CHRM3: variants seen among roughly 807,000 people sequenced by gnomAD.
CHRM3 encodes cholinergic receptor muscarinic 3.
A neutral mutation model predicts 41.8 loss-of-function variants in CHRM3; 11 were observed. That is an observed-to-expected ratio of 0.26 (90% CI 0.17 to 0.44). The LOEUF (loss-of-function observed/expected upper bound fraction) is 0.44, where lower values mean the gene tolerates loss of function less well. Among genes scored for constraint, CHRM3 ranks in the 20% least tolerant of loss-of-function variants. CHRM3 has a pLI of 1.00. For synonymous variants in CHRM3, 297 were observed against 301.4 expected, an observed-to-expected ratio of 0.99 and a Z score of 0.15; for missense variants, 571 against 745.4, an observed-to-expected ratio of 0.77 and a Z score of 2.72.
intron 5 of CHRM3, among the ~76,000 whole-genome samples, chr1:239,761,910 T>G (rs1383758945): frequency 6.6e-6 from 1 of 152,140 alleles, no homozygotes; most frequent in Non-Finnish European, 1.5e-5. Context: ...AATTCCCAAT[T>G]CAGTCTCTCC....
intron 3 of CHRM3, among the ~76,000 whole-genome samples, chr1:239,594,585 A>C (rs1372311642): frequency 6.6e-6 from 1 of 152,180 alleles, no homozygotes; most frequent in Non-Finnish European, 1.5e-5. Context: ...CAAACTTTTG[A>C]GGTGTTTTGA....
chr1:239,484,165 G>A (rs532872083), intron 1 of CHRM3, among the ~76,000 whole-genome samples: 57 of 152,214 alleles, frequency 3.7e-4, no homozygotes, highest in African/African-American at 1.3e-3. Flanking sequence ...AATCGTTCAC[G>A]GTTCTGCAGG....
chr1:239,797,123 T>G (rs1669841562), intron 5 of CHRM3, among the ~76,000 whole-genome samples: 1 of 152,208 alleles, frequency 6.6e-6, no homozygotes, highest in African/African-American at 2.4e-5. Flanking sequence ...TACCGCATGT[T>G]CTCACTTATA....
At chr1:239,837,802 G>A (rs2149137163) in intron 6 of CHRM3, among the ~76,000 whole-genome samples, 1 of 152,264 alleles carries the variant, frequency 6.6e-6, no homozygotes, top group East Asian at 1.9e-4. Context: ...TAACCACTGA[G>A]TATAGTTTCT....
intron 1 of CHRM3, among the ~76,000 whole-genome samples, chr1:239,421,460 GT>G (rs974832713): frequency 1.1e-4 from 17 of 152,180 alleles, no homozygotes; most frequent in African/African-American, 3.9e-4. Flanking sequence ...GGTTTACTGT[GT>G]TTTTTGTTAA....
chr1:239,598,562 C>A (rs1665087470), intron 3 of CHRM3, among the ~76,000 whole-genome samples: 1 of 151,850 alleles, frequency 6.6e-6, no homozygotes, highest in Non-Finnish European at 1.5e-5. Context: ...TAAAAGTTCC[C>A]AACTAAGAAT....
chr1:239,743,970 T>G (rs1442788371), intron 5 of CHRM3, among the ~76,000 whole-genome samples: 1 of 148,012 alleles, frequency 6.8e-6, no homozygotes, highest in African/African-American at 2.5e-5. Flanking sequence ...AATTTTTTTT[T>G]TAAGTTTTTT....
intron 5 of CHRM3, among the ~76,000 whole-genome samples, chr1:239,739,349 G>C (rs879894541): frequency 2.6e-5 from 4 of 152,032 alleles, no homozygotes; most frequent in Admixed American, 1.3e-4. Context: ...TTTCACAAAA[G>C]AAAAAAATCC....
At chr1:239,468,384 TC>T (rs1204644113) in intron 1 of CHRM3, among the ~76,000 whole-genome samples, 1 of 152,252 alleles carries the variant, frequency 6.6e-6, no homozygotes, top group Non-Finnish European at 1.5e-5. Context: ...ATATATGTTT[TC>T]TATGAGTAAT....
At chr1:239,787,872 A>T (rs1161446160) in intron 5 of CHRM3, among the ~76,000 whole-genome samples, 2 of 152,246 alleles carry the variant, frequency 1.3e-5, no homozygotes, top group East Asian at 1.9e-4. Flanking sequence ...TTACATATAT[A>T]TTTAAAGTAC....
intron 1 of CHRM3, among the ~76,000 whole-genome samples, chr1:239,449,604 T>G (rs1003091435): frequency 6.6e-6 from 1 of 152,202 alleles, no homozygotes; most frequent in Non-Finnish European, 1.5e-5. Context: ...AATTTGCAGA[T>G]GGTTCCAAAT....
chr1:239,718,002 G>C (rs1218341820), intron 5 of CHRM3, among the ~76,000 whole-genome samples: 1 of 152,026 alleles, frequency 6.6e-6, no homozygotes, highest in Non-Finnish European at 1.5e-5. Context: ...AAATGGTATA[G>C]GTGTAAGGAA....
chr1:239,697,601 T>A, intron 5 of CHRM3, among the ~76,000 whole-genome samples: 1 of 152,128 alleles, frequency 6.6e-6, no homozygotes, highest in East Asian at 1.9e-4. Flanking sequence ...AACCAGTCCC[T>A]AAGAACCGAC....
intron 4 of CHRM3, among the ~76,000 whole-genome samples, chr1:239,642,279 A>G (rs1342574743): frequency 1.3e-5 from 2 of 151,238 alleles, no homozygotes; most frequent in Non-Finnish European, 2.9e-5. Flanking sequence ...TCTTTGTGGC[A>G]TTCTCTGTAT....
chr1:239,505,261 AT>A (rs1237900533), intron 2 of CHRM3, among the ~76,000 whole-genome samples: 1 of 8,950 alleles, frequency 1.1e-4, no homozygotes, highest in African/African-American at 1.3e-4. Flanking sequence ...GTTTCCTGGG[AT>A]GATGATGATG....
chr1:239,401,891 C>A (rs773404100), intron 1 of CHRM3, among the ~76,000 whole-genome samples: 8 of 152,114 alleles, frequency 5.3e-5, no homozygotes, highest in Non-Finnish European at 8.8e-5. Context: ...CCCAAAGCTG[C>A]AAAACTCTAA....
chr1:239,526,068 A>C lies in CHRM3; in HGVS notation c.-421-19573A>C, dbSNP rs115463748. Among the ~76,000 whole-genome samples the C allele has an allele frequency of 5.1e-3, 780 of 152,258 alleles. 7 individuals carry two copies. Among genetic ancestry groups the C allele is most frequent in the African/African-American group, 0.018 (748 of 41,540 alleles). ...CTGGGTGTGATGGGAGATTGGAAGG[A>C]AAACAGTAGGCTTAACTTTATTATA... On this transcript the variant is annotated intron_variant, in intron 2 of 6. Transcript: ENST00000676153.
At chr1:239,684,123 T>A (rs1285076462) in intron 5 of CHRM3, among the ~76,000 whole-genome samples, 1 of 152,156 alleles carries the variant, frequency 6.6e-6, no homozygotes, top group Non-Finnish European at 1.5e-5. Flanking sequence ...TTTACCAGAA[T>A]AAAACCATGG....
intron 5 of CHRM3, among the ~76,000 whole-genome samples, chr1:239,716,378 G>A (rs1662365092): frequency 6.6e-6 from 1 of 152,088 alleles, no homozygotes; most frequent in South Asian, 2.1e-4. Flanking sequence ...GTGACTGGCT[G>A]AAGCAGAGTG....
Sources: gnomAD v4.1 joint callset for allele counts (sites outside exome capture counted in the v4.1 genomes callset) on GRCh38, gnomAD v4.1.1 for gene constraint, MANE v1.5 for transcripts, NCBI Gene and HGNC (gene_info 2026-07-23, HGNC 2026-07-21) for gene names.